Variants in FBXO39 observed in about 807,000 individuals in gnomAD.
FBXO39 encodes F-box protein 39.
Under a neutral mutation model 36.6 loss-of-function variants are expected in FBXO39, and 22 were observed. The observed-to-expected ratio is 0.60, with a 90% CI of 0.43 to 0.86. The LOEUF (loss-of-function observed/expected upper bound fraction) is 0.86. FBXO39 is among the 40% of genes least tolerant of loss of function. The pLI, the probability that FBXO39 is intolerant of heterozygous loss-of-function variation, is 0.00. For synonymous variants in FBXO39, 206 were observed against 205.8 expected (o/e 1.00, Z -0.01); for missense variants, 536 against 543.9 (o/e 0.99, Z 0.14).
chr17:6,777,420 C>T (rs1027988734), intron 1 of FBXO39, among the ~76,000 whole-genome samples: 12 of 152,156 alleles, frequency 7.9e-5, no homozygotes, highest in Non-Finnish European at 1.6e-4. Context: ...TCATCCATGT[C>T]CCTGCAAAGG....
At position 6,779,958 on chromosome 17, in the gene FBXO39, G is replaced by A; in HGVS notation, c.90G>A (p.Trp30Ter). ...TGTGTCTGTGCCGTGTTTTCTGGTG[G>A]CTAGGAGACAGGGACAGGTCCAGGG... ...PDLCLCRVFW[W>*]LGDRDRSRAA... is the part of the protein sequence containing the mutation. The change falls in exon 2 of 4, where the codon TGG (tryptophan) becomes TGA (stop). Residue 30 changes from tryptophan to a stop codon, truncating the protein, a stop_gained. Coordinates refer to ENST00000321535, the MANE Select transcript of FBXO39 (RefSeq NM_153230.3). LOFTEE classifies it high-confidence loss of function. 6.2e-7 allele frequency: 1 copy of A among 1,614,230 alleles called. No homozygotes were observed. The highest frequency in any genetic ancestry group is 8.5e-7 in the Non-Finnish European group (1 of 1,180,044).
At chr17:6,778,533 A>G (rs541447411) in intron 1 of FBXO39, among the ~76,000 whole-genome samples, 60 of 152,294 alleles carry the variant, frequency 3.9e-4, no homozygotes, top group African/African-American at 1.3e-3. Context: ...TTCAGTGTTC[A>G]TCTGAAAAGA....
At chr17:6,778,222 A>G (rs1482833883) in intron 1 of FBXO39, among the ~76,000 whole-genome samples, 1 of 152,248 alleles carries the variant, frequency 6.6e-6, no homozygotes, top group Non-Finnish European at 1.5e-5. Flanking sequence ...GCACACATAC[A>G]GACAAAAAGA....
chr17:6,780,616 A>G lies in FBXO39; in HGVS notation c.748A>G (p.Thr250Ala). Residue 250 changes from threonine (T) to alanine (A), a missense_variant, in exon 2 of 4, where the codon ACC (threonine) becomes GCC (alanine). Physicochemically the swap from Thr to Ala is moderately conservative, Grantham distance 58. Transcript: ENST00000321535. The part of the protein sequence containing the change: ...LLENLCENAS[T>A]LRTINIKCHV... ...TGAGAACTTGTGTGAGAATGCCAGCACCCTCCGGACCATCAACATCAAATG... is the reference window on the plus strand; with the variant it reads ...TGAGAACTTGTGTGAGAATGCCAGCGCCCTCCGGACCATCAACATCAAATG... 6.2e-7 allele frequency: 1 copy of G among 1,613,836 alleles called. No individual in the cohort carries two copies.
At chr17:6,786,755 A>C (rs749658750) in intron 2 of FBXO39, 25 bp from the exon 3 acceptor site, 1 of 1,579,784 alleles carries the variant, frequency 6.3e-7, no homozygotes, top group Non-Finnish European at 8.6e-7. Flanking sequence ...GCCCACACAC[A>C]TCTTCCCTTT....
chr17:6,785,841 G>A (rs1430883045), intron 2 of FBXO39, among the ~76,000 whole-genome samples: 2 of 152,120 alleles, frequency 1.3e-5, no homozygotes, highest in African/African-American at 4.8e-5. Context: ...TTATTCAAAA[G>A]ACAGGCAATA....
chr17:6,787,165 C>A (rs1976582142), intron 3 of FBXO39, 135 bp from the exon 4 acceptor site: 3 of 1,405,124 alleles, frequency 2.1e-6, no homozygotes, highest in African/African-American at 1.5e-5. Flanking sequence ...TTTCCTGATT[C>A]AACAACTGTA....
chr17:6,784,331 G>C (rs1315582032), intron 2 of FBXO39, among the ~76,000 whole-genome samples: 1 of 151,956 alleles, frequency 6.6e-6, no homozygotes, highest in Non-Finnish European at 1.5e-5. Flanking sequence ...AAAACTGAAA[G>C]CCTTTTCTTT....
intron 1 of FBXO39, among the ~76,000 whole-genome samples, chr17:6,778,114 AC>A (rs555566738): frequency 1.3e-3 from 196 of 152,340 alleles, no homozygotes; most frequent in African/African-American, 4.2e-3. Context: ...CAGGCAGGAT[AC>A]CTGCCATGGG....
chr17:6,782,966 C>A (rs190442070), intron 2 of FBXO39, among the ~76,000 whole-genome samples: 1 of 152,086 alleles, frequency 6.6e-6, no homozygotes, highest in South Asian at 2.1e-4. Context: ...GGCTGAAGAA[C>A]ACACACTCTT....
chr17:6,777,976 G>A (rs904963201), intron 1 of FBXO39, among the ~76,000 whole-genome samples: 1 of 152,176 alleles, frequency 6.6e-6, no homozygotes, highest in South Asian at 2.1e-4. Flanking sequence ...GGCGTAGTGA[G>A]GACAAAGCCT....
chr17:6,784,929 A>ATATATATATATATGTG (rs1491434533), intron 2 of FBXO39, among the ~76,000 whole-genome samples: 17 of 136,232 alleles, frequency 1.2e-4, no homozygotes, highest in African/African-American at 3.4e-4. Context: ...ATATATATAT[A>ATATATATATATATGTG]TGTGTGTGTG....
chr17:6,781,645 C>T (rs954099434), intron 2 of FBXO39, among the ~76,000 whole-genome samples: 3 of 152,128 alleles, frequency 2.0e-5, no homozygotes, highest in Non-Finnish European at 4.4e-5. Flanking sequence ...GACCAGCCCA[C>T]AGTCACCCAG....
At chr17:6,776,508 G>A (rs750730202) in intron 1 of FBXO39, among the ~76,000 whole-genome samples, 14 of 152,174 alleles carry the variant, frequency 9.2e-5, no homozygotes, top group Non-Finnish European at 1.3e-4. Context: ...TGGCAGCTGT[G>A]TGATATGGTG....
chr17:6,785,647 CTA>C (rs1379114216), intron 2 of FBXO39, among the ~76,000 whole-genome samples: 2 of 148,450 alleles, frequency 1.3e-5, no homozygotes, highest in East Asian at 3.9e-4. Flanking sequence ...TCAAACAACT[CTA>C]TAGGAAAAAA....
In FBXO39 at chr17:6,786,927, G is replaced by A; in HGVS notation, c.1171G>A (p.Glu391Lys). 6.2e-7 allele frequency: 1 copy of A among 1,613,920 alleles called. No homozygotes were observed. Among genetic ancestry groups the A allele is most frequent in the Non-Finnish European group, 8.5e-7 (1 of 1,179,876 alleles). ...GGAGCGGATCCTGAAGAGTCAGAAA[G>A]AACGGCAGTGTGCCCTGCGTGTATT... ...FVERILKSQK[E>K]RQCALRVFKA... Residue 391 changes from glutamate to lysine, a missense_variant, in exon 3 of 4, where the codon GAA becomes AAA. By Grantham distance (56) the Glu-to-Lys change is moderately conservative. Transcript: ENST00000321535.
At chr17:6,778,344 G>A (rs1257464735) in intron 1 of FBXO39, among the ~76,000 whole-genome samples, 3 of 152,198 alleles carry the variant, frequency 2.0e-5, no homozygotes, top group Non-Finnish European at 2.9e-5. Flanking sequence ...TTGCACAGAC[G>A]AATAATGTCA....
In FBXO39 at chr17:6,780,747, GA is replaced by G; in HGVS notation, c.881del (p.Lys294SerfsTer20). ...TGAACTTCTTCTTTGAACGGATCATGAAGTACGAACGCTTGGCCCGAATCCT... is the reference window on the plus strand; with the variant it reads ...TGAACTTCTTCTTTGAACGGATCATGAGTACGAACGCTTGGCCCGAATCCT... The part of the protein sequence containing the change: ...KVNFFFERIM[K>X]YERLARILLQ... On this transcript the variant is annotated frameshift_variant, in exon 2 of 4. Coordinates refer to ENST00000321535, the MANE Select transcript of FBXO39 (RefSeq NM_153230.3). LOFTEE classifies it high-confidence loss of function. 6.2e-7 allele frequency: 1 copy of G among 1,614,150 alleles called. No individual in the cohort carries two copies. Among genetic ancestry groups the G allele is most frequent in the Non-Finnish European group, 8.5e-7 (1 of 1,180,042 alleles).
chr17:6,786,237 C>G (rs555723942), intron 2 of FBXO39, among the ~76,000 whole-genome samples: 1 of 152,264 alleles, frequency 6.6e-6, no homozygotes, highest in East Asian at 1.9e-4. Flanking sequence ...GTGAAATATG[C>G]TAGGCACCGA....
Sources: allele counts gnomAD v4.1 joint callset (sites outside exome capture counted in the v4.1 genomes callset), GRCh38; gene constraint gnomAD v4.1.1; transcripts MANE v1.5; gene names NCBI Gene and HGNC (gene_info 2026-07-23, HGNC 2026-07-21).